RASAL2: variants seen among roughly 807,000 people sequenced by gnomAD.
RASAL2 encodes RAS protein activator like 2.
In RASAL2, 58 loss-of-function variants were observed where a neutral mutation model predicts 128.9. The ratio of observed to expected loss-of-function variants is 0.45; its 90% CI spans 0.36 to 0.56. The LOEUF (loss-of-function observed/expected upper bound fraction) is 0.56, where lower values mean the gene tolerates loss of function less well. Ranked by LOEUF, RASAL2 falls within the 20% of genes least tolerant of loss-of-function variation. The probability of loss-of-function intolerance (pLI) is 0.00; values close to 1 mark genes in which losing one functional copy is unlikely to be tolerated. For missense variants in RASAL2, 1,360 were observed against 1,601.6 expected (o/e 0.85, Z 2.57); for synonymous variants, 561 against 580.8 (o/e 0.97, Z 0.49).
intron 1 of RASAL2, among the ~76,000 whole-genome samples, chr1:178,097,152 C>G (rs1171681462): frequency 6.6e-6 from 1 of 152,180 alleles, no homozygotes; most frequent in Admixed American, 6.5e-5. Flanking sequence ...GGAACCTAGT[C>G]TAGAGGATAC....
At position 178,094,112 on chromosome 1, in the gene RASAL2, G is replaced by A. The variant is rs1389219054; in HGVS notation, c.-381G>A. On this transcript the variant is annotated 5_prime_UTR_variant, in exon 1 of 18. Transcript: ENST00000367649. The stretch of plus-strand genomic sequence containing the variant: ...CCGCTCCATCCCCAGCCAGAGCCTG[G>A]TCTGACCGCGAGAGACGCCGGCGGG... The A allele has an allele frequency of 4.0e-6, 1 of 249,130 alleles. No individual in the cohort carries two copies. Among genetic ancestry groups the A allele is most frequent in the African/African-American group, 2.3e-5 (1 of 43,208 alleles). The allele number at this position is 249,130 out of a possible 1,614,324, so 15.4% of individuals were successfully genotyped here. A position where few individuals can be genotyped will look rare whatever the true frequency, so the allele number is the denominator to read the frequency against.
intron 1 of RASAL2, among the ~76,000 whole-genome samples, chr1:178,240,499 A>G (rs1378899883): frequency 6.6e-6 from 1 of 151,910 alleles, no homozygotes; most frequent in Non-Finnish European, 1.5e-5. Context: ...CTTTATTTTA[A>G]ATACAAGAAT....
chr1:178,111,815 C>T (rs761254446), intron 1 of RASAL2, among the ~76,000 whole-genome samples: 93 of 152,154 alleles, frequency 6.1e-4, no homozygotes, highest in African/African-American at 2.1e-3. Context: ...CTGCAACCTC[C>T]GCCTCCCGGG....
intron 1 of RASAL2, among the ~76,000 whole-genome samples, chr1:178,114,627 T>C (rs887507309): frequency 2.6e-5 from 4 of 152,034 alleles, no homozygotes; most frequent in African/African-American, 7.2e-5. Context: ...GTTCATGCCA[T>C]TCTCCTGCCT....
At chr1:178,295,574 G>A (rs1331752556) in intron 2 of RASAL2, among the ~76,000 whole-genome samples, 2 of 152,166 alleles carry the variant, frequency 1.3e-5, no homozygotes, top group East Asian at 3.9e-4. Context: ...GGAAGGAGAG[G>A]AAACAACACC....
chr1:178,411,141 A>G (rs1261997385), intron 4 of RASAL2, among the ~76,000 whole-genome samples: 1 of 133,844 alleles, frequency 7.5e-6, no homozygotes, highest in Non-Finnish European at 1.6e-5. Context: ...TGAGTGAATA[A>G]AGAAAATGTG....
At chr1:178,472,229 A>AT (rs551393783) in intron 17 of RASAL2, among the ~76,000 whole-genome samples, 3 of 151,792 alleles carry the variant, frequency 2.0e-5, no homozygotes, top group Non-Finnish European at 4.4e-5. Flanking sequence ...TAGACTGCCT[A>AT]TTTTTTTTCC....
intron 1 of RASAL2, among the ~76,000 whole-genome samples, chr1:178,191,852 G>A (rs1303310797): frequency 1.3e-5 from 2 of 152,154 alleles, no homozygotes. Context: ...AAAAACGAAT[G>A]AATTGTAGCA....
intron 3 of RASAL2, among the ~76,000 whole-genome samples, chr1:178,306,597 G>A (rs1668000975): frequency 6.6e-6 from 1 of 151,782 alleles, no homozygotes; most frequent in South Asian, 2.1e-4. Flanking sequence ...ATTCTAACTG[G>A]TGTGAGATGG....
At chr1:178,129,305 A>G (rs542637907) in intron 1 of RASAL2, among the ~76,000 whole-genome samples, 6 of 152,114 alleles carry the variant, frequency 3.9e-5, no homozygotes, top group Admixed American at 3.9e-4. Flanking sequence ...GTAAAGTGGC[A>G]TTTCATTGTG....
intron 5 of RASAL2, among the ~76,000 whole-genome samples, chr1:178,428,301 G>A (rs1323713119): frequency 2.0e-5 from 3 of 151,928 alleles, no homozygotes; most frequent in Admixed American, 6.6e-5. Context: ...ATGCCCAAGA[G>A]TATAATTGCT....
intron 3 of RASAL2, among the ~76,000 whole-genome samples, chr1:178,339,097 A>G (rs562615369): frequency 2.6e-5 from 4 of 152,370 alleles, no homozygotes; most frequent in African/African-American, 9.6e-5. Flanking sequence ...GACAGGGGCC[A>G]TAGCATATCT....
intron 2 of RASAL2, among the ~76,000 whole-genome samples, chr1:178,287,514 A>G (rs770717568): frequency 6.6e-6 from 1 of 152,204 alleles, no homozygotes; most frequent in Non-Finnish European, 1.5e-5. Context: ...AAGTCGTTAT[A>G]TAACAAGGAT....
intron 1 of RASAL2, among the ~76,000 whole-genome samples, chr1:178,260,788 T>C (rs2102131634): frequency 1.3e-5 from 2 of 152,272 alleles, no homozygotes; most frequent in East Asian, 3.9e-4. Flanking sequence ...TAATGGTGCA[T>C]TGAACATGTT....
At chr1:178,300,935 A>G (rs115782940) in intron 3 of RASAL2, among the ~76,000 whole-genome samples, 3,553 of 152,284 alleles carry the variant, frequency 0.023, 65 homozygotes, top group Middle Eastern at 0.058. Flanking sequence ...TTGACATTTG[A>G]TAAGTAGATG....
chr1:178,452,504 A>T lies in RASAL2; in HGVS notation c.1861A>T (p.Ile621Phe). ...RGKQDISERL[I>F]SASLFLRFLC... ...CAAGCAAGACATCAGCGAGAGGCTCATCAGTGCCTCATTATTTCTCCGTTT... is the reference window on the plus strand; with the variant it reads ...CAAGCAAGACATCAGCGAGAGGCTCTTCAGTGCCTCATTATTTCTCCGTTT... The change falls in exon 11 of 18, where the codon ATC becomes TTC. Residue 621 changes from isoleucine to phenylalanine, a missense_variant. Coordinates refer to ENST00000367649, the MANE Select transcript of RASAL2 (RefSeq NM_170692.4). 6.2e-7 allele frequency: 1 copy of T among 1,613,748 alleles called. No homozygotes were observed. Among genetic ancestry groups the T allele is most frequent in the Non-Finnish European group, 8.5e-7 (1 of 1,179,654 alleles).
chr1:178,372,461 G>A (rs190311255), intron 3 of RASAL2: 21 of 671,430 alleles, frequency 3.1e-5, no homozygotes, highest in South Asian at 1.3e-4. Flanking sequence ...TGTTTAAGTC[G>A]TTTGCTTTTC....
At chr1:178,335,783 A>G (rs940788690) in intron 3 of RASAL2, among the ~76,000 whole-genome samples, 5 of 152,204 alleles carry the variant, frequency 3.3e-5, no homozygotes, top group African/African-American at 4.8e-5. Flanking sequence ...AAATATATAC[A>G]TTGTTGCATC....
chr1:178,421,242 T>C (rs186510423), intron 5 of RASAL2, among the ~76,000 whole-genome samples: 205 of 152,282 alleles, frequency 1.3e-3, no homozygotes, highest in African/African-American at 4.7e-3. Context: ...CTAGAAGACG[T>C]GCTGAAAAGG....
Sources: gnomAD v4.1 joint callset for allele counts (sites outside exome capture counted in the v4.1 genomes callset) on GRCh38, gnomAD v4.1.1 for gene constraint, MANE v1.5 for transcripts, NCBI Gene and HGNC (gene_info 2026-07-23, HGNC 2026-07-21) for gene names.